CPA6: variants seen among roughly 807,000 people sequenced by gnomAD.
The protein encoded by CPA6 is carboxypeptidase A6.
Under a neutral mutation model 63.3 loss-of-function variants are expected in CPA6, and 58 were observed. The observed-to-expected ratio is 0.92, with a 90% CI of 0.74 to 1.14. The LOEUF (loss-of-function observed/expected upper bound fraction) is 1.14. CPA6 is among the 50% of genes most tolerant of loss of function. The pLI, the probability that CPA6 is intolerant of heterozygous loss-of-function variation, is 0.00. For missense variants in CPA6, 565 were observed against 526.6 expected (o/e 1.07, Z -0.71); for synonymous variants, 185 against 179.0 (o/e 1.03, Z -0.27).
rs1349624660 is a variant in CPA6, at chr8:67,543,758, C to G, written c.193-25711G>C. ...CATTTATACTCATCAAACAACAATTCCCTTTTCCCCCTCCACTATTATTAT... is the reference window on the plus strand; with the variant it reads ...CATTTATACTCATCAAACAACAATTGCCTTTTCCCCCTCCACTATTATTAT... On this transcript the variant is annotated intron_variant, in intron 2 of 10. Transcript: ENST00000297770. Among the ~76,000 whole-genome samples, 3 of 135,362 alleles carry G rather than the reference C, an allele frequency of 2.2e-5. No individual in the cohort carries two copies. The East Asian group carries it at 7.1e-4, about 32-fold the overall frequency. 88.8% of individuals were successfully genotyped at this position (135,362 alleles called of 152,430 possible).
intron 2 of CPA6, among the ~76,000 whole-genome samples, chr8:67,616,111 C>T (rs1295044620): frequency 6.6e-6 from 1 of 152,096 alleles, no homozygotes; most frequent in Admixed American, 6.5e-5. Flanking sequence ...ATCCATAATC[C>T]CCTAGGGAGC....
chr8:67,477,996 C>G (rs1811279877), intron 8 of CPA6, among the ~76,000 whole-genome samples: 1 of 152,190 alleles, frequency 6.6e-6, no homozygotes, highest in Non-Finnish European at 1.5e-5. Context: ...AATAGGATGA[C>G]TGGTGGCTGG....
At chr8:67,583,985 G>A (rs1451219217) in intron 2 of CPA6, among the ~76,000 whole-genome samples, 2 of 151,830 alleles carry the variant, frequency 1.3e-5, no homozygotes, top group South Asian at 2.1e-4. Flanking sequence ...GTGAATCCCC[G>A]TCTCTACTAA....
At chr8:67,652,032 T>C (rs374930230) in intron 1 of CPA6, among the ~76,000 whole-genome samples, 1 of 152,148 alleles carries the variant, frequency 6.6e-6, no homozygotes, top group African/African-American at 2.4e-5. Flanking sequence ...CTGGGAATGA[T>C]GGTTTCCAGT....
intron 2 of CPA6, among the ~76,000 whole-genome samples, chr8:67,620,249 T>G (rs1291656775): frequency 6.6e-6 from 1 of 152,182 alleles, no homozygotes; most frequent in African/African-American, 2.4e-5. Context: ...TAGAGGAAAC[T>G]TTTTGCTTTT....
intron 8 of CPA6, among the ~76,000 whole-genome samples, chr8:67,469,693 A>G (rs1180467485): frequency 2.0e-5 from 3 of 152,244 alleles, no homozygotes; most frequent in Non-Finnish European, 4.4e-5. Flanking sequence ...TTGAACTGCA[A>G]CGTGGGCACA....
At chr8:67,576,557 C>G (rs1466830954) in intron 2 of CPA6, among the ~76,000 whole-genome samples, 1 of 152,164 alleles carries the variant, frequency 6.6e-6, no homozygotes, top group African/African-American at 2.4e-5. Flanking sequence ...ATCATACGTG[C>G]TCCACTATCA....
In CPA6 at chr8:67,746,132, T is replaced by C; in HGVS notation, c.-3A>G. ...CTGCGCTTCCCGAGACACTTCATAG[T>C]GTTAAGAAGAGAGGAGTTGAAAGTT... On this transcript the variant is annotated 5_prime_UTR_variant, in exon 1 of 11. Transcript: ENST00000297770. 2 of 1,606,880 alleles carry C rather than the reference T, an allele frequency of 1.2e-6. No individual in the cohort carries two copies. Among genetic ancestry groups the C allele is most frequent in the Non-Finnish European group, 1.7e-6 (2 of 1,175,564 alleles).
intron 2 of CPA6, among the ~76,000 whole-genome samples, chr8:67,537,482 G>A (rs2128970126): frequency 6.6e-6 from 1 of 152,326 alleles, no homozygotes; most frequent in African/African-American, 2.4e-5. Flanking sequence ...TATTTGCGTA[G>A]AGGTGTTTAT....
chr8:67,512,793 A>C (rs1812068455), intron 3 of CPA6, among the ~76,000 whole-genome samples: 1 of 152,256 alleles, frequency 6.6e-6, no homozygotes, highest in Non-Finnish European at 1.5e-5. Flanking sequence ...TTAAAAGAAC[A>C]TATAATGGCA....
At position 67,746,245 on chromosome 8, in the gene CPA6, G is replaced by C. The variant is rs966289015; in HGVS notation, c.-116C>G. On this transcript the variant is annotated 5_prime_UTR_variant, in exon 1 of 11. Coordinates refer to ENST00000297770, the MANE Select transcript of CPA6 (RefSeq NM_020361.5). ...TCCGGGAAGGGGGTGGGCGAGGAAG[G>C]TTGAGAGTGAGCAAAATGTGACACT... 3 of 623,310 alleles carry C rather than the reference G, an allele frequency of 4.8e-6. No individual in the cohort carries two copies. Among genetic ancestry groups the C allele is most frequent in the African/African-American group, 3.7e-5 (2 of 54,726 alleles). The allele number at this position is 623,310 out of a possible 1,614,324, so 38.6% of individuals were successfully genotyped here.
intron 8 of CPA6, chr8:67,483,516 TA>T (rs1811402715): frequency 1.9e-6 from 1 of 535,818 alleles, no homozygotes; most frequent in Non-Finnish European, 3.3e-6. Context: ...TGCTTTTACA[TA>T]TGTATTTAAA....
intron 1 of CPA6, among the ~76,000 whole-genome samples, chr8:67,687,706 C>T (rs1460192066): frequency 1.3e-5 from 2 of 152,146 alleles, no homozygotes; most frequent in Non-Finnish European, 2.9e-5. Context: ...CTGGCTCTTT[C>T]ATTACTTATT....
At chr8:67,469,881 T>G (rs60625302) in intron 8 of CPA6, among the ~76,000 whole-genome samples, 57,841 of 151,814 alleles carry the variant, frequency 0.38, 11,329 homozygotes, top group African/African-American at 0.48. Flanking sequence ...TTCCCTTCAC[T>G]CATTCTAATC....
At chr8:67,498,428 C>T (rs1376191170) in intron 6 of CPA6, among the ~76,000 whole-genome samples, 3 of 149,144 alleles carry the variant, frequency 2.0e-5, no homozygotes, top group Non-Finnish European at 4.4e-5. Context: ...CCCAGCTACT[C>T]AGGAGGCTGA....
intron 2 of CPA6, among the ~76,000 whole-genome samples, chr8:67,594,944 A>T (rs554183745): frequency 6.6e-6 from 1 of 152,188 alleles, no homozygotes; most frequent in South Asian, 2.1e-4. Flanking sequence ...CCTTTGGAGG[A>T]GGAGGGGCGC....
chr8:67,422,320 C>T lies in CPA6; in HGVS notation c.*184G>A, dbSNP rs1809780729. 1 of 447,610 alleles carries T rather than the reference C, an allele frequency of 2.2e-6. No homozygotes were observed. The allele number at this position is 447,610 out of a possible 1,614,324, so 27.7% of individuals were successfully genotyped here. On this transcript the variant is annotated 3_prime_UTR_variant, in exon 11 of 11. Transcript: ENST00000297770. The stretch of plus-strand genomic sequence containing the variant: ...AATGGATGCTTTTTCTTATAACAAA[C>T]TAGGCTATGCCCTGTTTTTTACTGT...
At chr8:67,474,272 A>C (rs1811125420) in intron 8 of CPA6, among the ~76,000 whole-genome samples, 1 of 151,936 alleles carries the variant, frequency 6.6e-6, no homozygotes, top group Non-Finnish European at 1.5e-5. Context: ...CCCAGACTTG[A>C]GTGCAGTGGT....
intron 2 of CPA6, among the ~76,000 whole-genome samples, chr8:67,533,068 G>C (rs547664612): frequency 1.9e-4 from 29 of 152,292 alleles, no homozygotes; most frequent in African/African-American, 6.5e-4. Flanking sequence ...TTTTCTTCAG[G>C]AAGTAATAAA....
Sources: allele counts gnomAD v4.1 joint callset (sites outside exome capture counted in the v4.1 genomes callset), GRCh38; gene constraint gnomAD v4.1.1; transcripts MANE v1.5; gene names NCBI Gene and HGNC (gene_info 2026-07-23, HGNC 2026-07-21).